Variants in LRRC4C observed in about 807,000 individuals in gnomAD.
LRRC4C encodes the protein leucine rich repeat containing 4C.
LRRC4C carries 5 observed loss-of-function variants against 33.6 expected under a neutral mutation model. The ratio of observed to expected loss-of-function variants is 0.15; its 90% confidence interval spans 0.08 to 0.31. The LOEUF (loss-of-function observed/expected upper bound fraction) is 0.31, where lower values mean the gene tolerates loss of function less well. Among genes scored for constraint, LRRC4C ranks in the 10% least tolerant of loss-of-function variants. The pLI is 1.00. For missense variants in LRRC4C, 560 were observed against 796.7 expected (o/e 0.70, Z 3.58); for synonymous variants, 329 against 302.0 (o/e 1.09, Z -0.93).
intron 2 of LRRC4C, among the ~76,000 whole-genome samples, chr11:40,774,961 A>T (rs2137209264): frequency 6.6e-6 from 1 of 152,202 alleles, no homozygotes; most frequent in Middle Eastern, 3.4e-3. Flanking sequence ...TTTTCAAATT[A>T]AAAATATAAG....
intron 1 of LRRC4C, among the ~76,000 whole-genome samples, chr11:41,203,497 G>T (rs1048498781): frequency 6.6e-6 from 1 of 152,112 alleles, no homozygotes; most frequent in African/African-American, 2.4e-5. Flanking sequence ...AAAATAAATT[G>T]CAAACTTTAT....
intron 3 of LRRC4C, among the ~76,000 whole-genome samples, chr11:40,340,884 A>G (rs766993390): frequency 3.5e-4 from 53 of 152,202 alleles, no homozygotes; most frequent in Admixed American, 1.4e-3. Flanking sequence ...AATTAAGCTC[A>G]TGTAGTCACT....
intron 1 of LRRC4C, among the ~76,000 whole-genome samples, chr11:41,127,803 A>G (rs1415177115): frequency 6.6e-6 from 1 of 152,142 alleles, no homozygotes; most frequent in African/African-American, 2.4e-5. Context: ...CTAGTATTCC[A>G]GAGTGAAAAC....
chr11:40,766,930 A>G (rs1949503000), intron 2 of LRRC4C, among the ~76,000 whole-genome samples: 1 of 151,818 alleles, frequency 6.6e-6, no homozygotes, highest in Admixed American at 6.6e-5. Flanking sequence ...CCAGAAAACA[A>G]CCAGAAACAC....
At chr11:40,900,839 G>A (rs866548137) in intron 2 of LRRC4C, among the ~76,000 whole-genome samples, 1 of 151,762 alleles carries the variant, frequency 6.6e-6, no homozygotes, top group Non-Finnish European at 1.5e-5. Flanking sequence ...ATATCTGTGA[G>A]GTTAATTTGT....
chr11:40,193,430 TG>T (rs1476648219), intron 5 of LRRC4C, among the ~76,000 whole-genome samples: 1 of 152,036 alleles, frequency 6.6e-6, no homozygotes, highest in Non-Finnish European at 1.5e-5. Flanking sequence ...AGGATGACCA[TG>T]CAAAAACCCT....
At chr11:40,247,726 C>T (rs1768355043) in intron 4 of LRRC4C, among the ~76,000 whole-genome samples, 2 of 152,076 alleles carry the variant, frequency 1.3e-5, no homozygotes, top group South Asian at 4.1e-4. Flanking sequence ...TGATATTCTC[C>T]GTTGTCCAGA....
At chr11:41,444,896 C>T (rs897894642) in intron 1 of LRRC4C, among the ~76,000 whole-genome samples, 2 of 151,782 alleles carry the variant, frequency 1.3e-5, no homozygotes, top group Admixed American at 6.6e-5. Flanking sequence ...CTCCACCTCC[C>T]GGGTTCAAGT....
intron 2 of LRRC4C, among the ~76,000 whole-genome samples, chr11:40,916,227 A>G (rs1488561041): frequency 2.0e-5 from 3 of 152,144 alleles, no homozygotes; most frequent in Non-Finnish European, 4.4e-5. Context: ...AAATCATGCC[A>G]CTATAAAGAC....
In LRRC4C at chr11:40,626,088, T is replaced by A. The variant is rs563997753; in HGVS notation, c.-270+22054A>T. Among the ~76,000 whole-genome samples, 467 of 152,280 alleles carry A rather than the reference T, an allele frequency of 3.1e-3. 5 individuals are homozygous for A. The highest frequency in any genetic ancestry group is 0.011 in the African/African-American group (445 of 41,568). On this transcript the variant is annotated intron_variant, in intron 3 of 6. Coordinates refer to ENST00000528697, the MANE Select transcript of LRRC4C (RefSeq NM_001258419.2). ...AACATGTTCTCCTCACCTCTCTACC[T>A]TTTGTTACCCCCATATTTTCTCTGA...
intron 2 of LRRC4C, among the ~76,000 whole-genome samples, chr11:40,884,208 A>G (rs911941495): frequency 2.0e-5 from 3 of 152,008 alleles, no homozygotes; most frequent in African/African-American, 7.2e-5. Flanking sequence ...ATGATGCTTT[A>G]CAGCTTCGTC....
At chr11:41,452,941 T>TGA (rs1956071119) in intron 1 of LRRC4C, among the ~76,000 whole-genome samples, 1 of 152,136 alleles carries the variant, frequency 6.6e-6, no homozygotes, top group Non-Finnish European at 1.5e-5. Flanking sequence ...ATTATAATAA[T>TGA]GAGATACCTT....
intron 2 of LRRC4C, among the ~76,000 whole-genome samples, chr11:40,857,513 A>G (rs935475933): frequency 1.2e-4 from 18 of 152,202 alleles, no homozygotes; most frequent in African/African-American, 4.3e-4. Flanking sequence ...TCACACACTG[A>G]GGGAAAGATG....
intron 2 of LRRC4C, among the ~76,000 whole-genome samples, chr11:40,700,714 C>T (rs1426108179): frequency 1.3e-5 from 2 of 152,138 alleles, no homozygotes; most frequent in African/African-American, 4.8e-5. Flanking sequence ...ACCATGGAAC[C>T]TCATACAAAT....
intron 2 of LRRC4C, among the ~76,000 whole-genome samples, chr11:40,825,948 GGGC>G (rs1288779122): frequency 3.8e-4 from 21 of 55,286 alleles, no homozygotes; most frequent in East Asian, 1.3e-3. Context: ...TCTGGGGGGG[GGGC>G]GTCTCACATA....
At chr11:40,926,384 A>T (rs1374166309) in intron 2 of LRRC4C, among the ~76,000 whole-genome samples, 1 of 152,230 alleles carries the variant, frequency 6.6e-6, no homozygotes, top group Non-Finnish European at 1.5e-5. Context: ...ATGTTTGAAA[A>T]TGATTAATGC....
At chr11:40,901,692 T>C (rs192373158) in intron 2 of LRRC4C, among the ~76,000 whole-genome samples, 362 of 152,082 alleles carry the variant, frequency 2.4e-3, no homozygotes, top group African/African-American at 8.4e-3. Context: ...AAAGAATAGA[T>C]AGGAAGCAAT....
intron 3 of LRRC4C, among the ~76,000 whole-genome samples, chr11:40,441,140 T>A (rs2137964394): frequency 6.6e-6 from 1 of 152,168 alleles, no homozygotes; most frequent in East Asian, 1.9e-4. Context: ...CGGGAATCAG[T>A]CCCTCATCCA....
chr11:41,085,446 C>T (rs1190983680), intron 1 of LRRC4C, among the ~76,000 whole-genome samples: 2 of 152,128 alleles, frequency 1.3e-5, no homozygotes, highest in East Asian at 3.9e-4. Context: ...TATTGACTGG[C>T]TCTCTCACTA....
Sources: gnomAD v4.1 joint callset for allele counts (sites outside exome capture counted in the v4.1 genomes callset) on GRCh38, gnomAD v4.1.1 for gene constraint, MANE v1.5 for transcripts, NCBI Gene and HGNC (gene_info 2026-07-23, HGNC 2026-07-21) for gene names.